Variants in DACH2 observed in about 807,000 individuals in gnomAD.
The protein encoded by DACH2 is dachshund family transcription factor 2.
In DACH2, 17 loss-of-function variants were observed where a neutral mutation model predicts 35.8. That is an observed-to-expected ratio of 0.48 (90% CI 0.33 to 0.71). DACH2 has a LOEUF of 0.71. Ranked by LOEUF, DACH2 falls within the 30% of genes least tolerant of loss-of-function variation. The pLI is 0.02. For missense variants in DACH2, 469 were observed against 472.7 expected, an observed-to-expected ratio of 0.99 and a Z score of 0.07; for synonymous variants, 195 against 177.3, an observed-to-expected ratio of 1.10 and a Z score of -0.79.
Position 86,161,224 on chromosome X carries a change from C to A in DACH2, c.488+12116C>A, listed in dbSNP as rs1177360908. 1.6e-5 allele frequency: 19 copies of A among 1,185,766 alleles called. No individual in the cohort carries two copies. In the Admixed American group the frequency reaches 3.9e-4, roughly 25 times the overall value. ...ACACCAACAATTAGTTGTTTCACAT[C>A]CAGTGTGTAAGCCAGAAGGGCATGC... On this transcript the variant is annotated intron_variant, in intron 1 of 11. Coordinates refer to ENST00000373125, the MANE Select transcript of DACH2 (RefSeq NM_053281.3).
intron 7 of DACH2, among the ~76,000 whole-genome samples, chrX:86,794,573 G>T (rs570909067): frequency 1.9e-4 from 21 of 110,570 alleles, no homozygotes; most frequent in Middle Eastern, 4.7e-3. Flanking sequence ...TAATTACCTG[G>T]GACCTGAAAA....
At chrX:86,601,165 C>T (rs1449015423) in intron 3 of DACH2, among the ~76,000 whole-genome samples, 3 of 111,152 alleles carry the variant, frequency 2.7e-5, no homozygotes, top group African/African-American at 9.8e-5. Flanking sequence ...TTTTGAAAGT[C>T]GTATTAATGG....
chrX:86,762,200 A>G (rs145992674), intron 7 of DACH2, among the ~76,000 whole-genome samples: 3,400 of 111,344 alleles, frequency 0.031, 132 homozygotes, highest in African/African-American at 0.1. Flanking sequence ...ATTTAACTGC[A>G]AATACATCGA....
chrX:86,245,240 G>A (rs1173516725), intron 1 of DACH2, among the ~76,000 whole-genome samples: 1 of 111,501 alleles, frequency 9.0e-6, no homozygotes, highest in Non-Finnish European at 1.9e-5. Flanking sequence ...CCACTGTCAG[G>A]ACATGTCCAT....
intron 11 of DACH2, among the ~76,000 whole-genome samples, chrX:86,821,506 C>T (rs1188948946): frequency 9.0e-6 from 1 of 111,052 alleles, no homozygotes; most frequent in Non-Finnish European, 1.9e-5. Context: ...ATTAAATGGC[C>T]TGTGTCTTTT....
chrX:86,725,664 G>A (rs2041459533), intron 6 of DACH2, among the ~76,000 whole-genome samples: 1 of 111,161 alleles, frequency 9.0e-6, no homozygotes, highest in South Asian at 3.9e-4. Context: ...GCTGGTAGTG[G>A]CAGTGGTGGG....
chrX:86,389,694 A>T (rs2036171367), intron 2 of DACH2, among the ~76,000 whole-genome samples: 1 of 112,164 alleles, frequency 8.9e-6, no homozygotes, highest in Admixed American at 9.5e-5. Flanking sequence ...TTAGGTTATT[A>T]TGCTATATAC....
rs184902383 is a variant in DACH2, at chrX:86,688,042, A to T, written c.773-6979A>T. The stretch of plus-strand genomic sequence containing the variant: ...TGTAACCTAGAACTTAAAGTATAAT[A>T]AAAAAAAAGAAAGAAAGAAGATAAT... On this transcript the variant is annotated intron_variant, in intron 4 of 11. Transcript: ENST00000373125. Among the ~76,000 whole-genome samples the T allele has an allele frequency of 6.2e-3, 639 of 103,091 alleles. 6 individuals are homozygous for T. Among genetic ancestry groups the T allele is most frequent in the African/African-American group, 0.025 (589 of 23,417 alleles). 89.5% of individuals were successfully genotyped at this position (103,091 alleles called of 115,157 possible). A position where few individuals can be genotyped will look rare whatever the true frequency, so the allele number is the denominator to read the frequency against.
intron 1 of DACH2, among the ~76,000 whole-genome samples, chrX:86,190,459 T>C (rs1569296515): frequency 8.9e-6 from 1 of 112,026 alleles, no homozygotes; most frequent in Admixed American, 9.5e-5. Flanking sequence ...GTGTTCTTTC[T>C]TGGAACGCCT....
intron 3 of DACH2, among the ~76,000 whole-genome samples, chrX:86,522,299 G>C (rs1469404671): frequency 9.0e-6 from 1 of 110,803 alleles, no homozygotes; most frequent in Non-Finnish European, 1.9e-5. Flanking sequence ...AATATTTTGG[G>C]GTTATTTAGG....
rs757759694 is a variant in DACH2 at position 86,739,741 on chromosome X, T to C, written c.1105-6T>C. 1.7e-5 allele frequency: 20 copies of C among 1,168,627 alleles called. No homozygotes were observed. In the East Asian group the frequency reaches 6.1e-4, roughly 36 times the overall value. On this transcript the variant is annotated splice_polypyrimidine_tract_variant and splice_region_variant and intron_variant, in intron 6 of 11. Coordinates refer to ENST00000373125, the MANE Select transcript of DACH2 (RefSeq NM_053281.3). ...ACATTTCCTTTTGTGTTTCCTTTTG[T>C]GTCAGGAGCGGATCCCAGAGAGTCC...
At chrX:86,545,269 G>C (rs1317871982) in intron 3 of DACH2, among the ~76,000 whole-genome samples, 2 of 111,816 alleles carry the variant, frequency 1.8e-5, no homozygotes, top group Admixed American at 9.5e-5. Context: ...GATGGAGTTG[G>C]TGACCATTAC....
chrX:86,357,244 G>C (rs1479174504), intron 1 of DACH2, among the ~76,000 whole-genome samples: 1 of 112,229 alleles, frequency 8.9e-6, no homozygotes, highest in Non-Finnish European at 1.9e-5. Flanking sequence ...CCTTTTAAAA[G>C]TTATATTCTG....
chrX:86,541,644 A>G (rs2038883368), intron 3 of DACH2, among the ~76,000 whole-genome samples: 2 of 111,739 alleles, frequency 1.8e-5, no homozygotes. Flanking sequence ...CAAGTCAATA[A>G]TATTTAATTC....
At chrX:86,476,073 G>T (rs1217767323) in intron 2 of DACH2, among the ~76,000 whole-genome samples, 1 of 111,661 alleles carries the variant, frequency 9.0e-6, no homozygotes. Flanking sequence ...TTGAATTCAG[G>T]TTGTTCGTAT....
chrX:86,485,058 T>G (rs931478395), intron 2 of DACH2, among the ~76,000 whole-genome samples: 29 of 111,937 alleles, frequency 2.6e-4, no homozygotes, highest in Non-Finnish European at 4.9e-4. Context: ...GTGTATTTTT[T>G]TGTGTGTGTA....
intron 3 of DACH2, among the ~76,000 whole-genome samples, chrX:86,531,653 C>G (rs1181539889): frequency 3.6e-5 from 4 of 110,627 alleles, no homozygotes; most frequent in Non-Finnish European, 7.7e-5. Context: ...AGGCAGAAGT[C>G]TGCTACAGGG....
intron 2 of DACH2, among the ~76,000 whole-genome samples, chrX:86,391,197 C>T (rs2036195336): frequency 1.0e-5 from 1 of 95,819 alleles, no homozygotes; most frequent in Admixed American, 1.2e-4. Context: ...ATGAGAATCA[C>T]TTAAACCCAG....
chrX:86,228,085 C>T (rs1014760479), intron 1 of DACH2, among the ~76,000 whole-genome samples: 2 of 110,304 alleles, frequency 1.8e-5, no homozygotes, highest in African/African-American at 6.6e-5. Flanking sequence ...GTACACACTG[C>T]ACCATATTTG....
Sources: gnomAD v4.1 joint callset for allele counts (sites outside exome capture counted in the v4.1 genomes callset) on GRCh38, gnomAD v4.1.1 for gene constraint, MANE v1.5 for transcripts, NCBI Gene and HGNC (gene_info 2026-07-23, HGNC 2026-07-21) for gene names.